TBC1D12: variants seen among roughly 807,000 people sequenced by gnomAD.
TBC1D12 encodes TBC1 domain family member 12.
In TBC1D12, 56 loss-of-function variants were observed where a neutral mutation model predicts 86.7. The ratio of observed to expected loss-of-function variants is 0.65; its 90% CI spans 0.52 to 0.81. The LOEUF is 0.81. Among genes scored for constraint, TBC1D12 ranks in the 30% least tolerant of loss-of-function variants. TBC1D12 has a pLI of 0.00. For missense variants in TBC1D12, 1,023 were observed against 1,038.8 expected, an observed-to-expected ratio of 0.98 and a Z score of 0.21; for synonymous variants, 421 against 411.7, an observed-to-expected ratio of 1.02 and a Z score of -0.27.
chr10:94,524,593 G>C (rs1564992462), intron 11 of TBC1D12, among the ~76,000 whole-genome samples: 1 of 151,836 alleles, frequency 6.6e-6, no homozygotes, highest in African/African-American at 2.4e-5. Flanking sequence ...AGAAAAATTA[G>C]CCAGGCATGG....
intron 2 of TBC1D12, among the ~76,000 whole-genome samples, chr10:94,447,331 C>T (rs866720554): frequency 8.6e-5 from 13 of 151,274 alleles, no homozygotes; most frequent in African/African-American, 1.2e-4. Context: ...TATATATATA[C>T]ACACACACAC....
intron 1 of TBC1D12, among the ~76,000 whole-genome samples, chr10:94,430,851 C>G (rs1484520168): frequency 1.3e-5 from 2 of 152,244 alleles, no homozygotes; most frequent in East Asian, 3.9e-4. Context: ...ATGAAGAAAC[C>G]ATTAGACTGC....
intron 2 of TBC1D12, 61 bp downstream of exon 2, chr10:94,442,080 T>C: frequency 7.3e-7 from 1 of 1,370,436 alleles, no homozygotes; most frequent in African/African-American, 1.9e-5. Context: ...CTTCTTCTTC[T>C]TCTTTTTTTT....
At chr10:94,469,235 AG>A (rs894486366) in intron 2 of TBC1D12, among the ~76,000 whole-genome samples, 5 of 152,164 alleles carry the variant, frequency 3.3e-5, no homozygotes, top group Admixed American at 6.5e-5. Flanking sequence ...GTGTATTCCC[AG>A]TGATGACTTT....
chr10:94,511,789 A>G, intron 9 of TBC1D12, 135 bp downstream of exon 9: 1 of 671,354 alleles, frequency 1.5e-6, no homozygotes, highest in Non-Finnish European at 2.5e-6. Flanking sequence ...CAATTTACCC[A>G]GTGAAGAATC....
intron 9 of TBC1D12, among the ~76,000 whole-genome samples, chr10:94,515,081 G>C (rs941742026): frequency 2.0e-5 from 3 of 149,942 alleles, no homozygotes; most frequent in Non-Finnish European, 3.0e-5. Context: ...CTAATTTTTT[G>C]TATTTTTAGT....
rs2054781730 is a variant in TBC1D12 at position 94,402,635 on chromosome 10, G to A, written c.22G>A (p.Gly8Arg). 1 of 1,611,706 alleles carries A rather than the reference G, an allele frequency of 6.2e-7. No homozygotes were observed. The highest frequency in any genetic ancestry group is 1.7e-5 in the Admixed American group (1 of 59,960). MVGPEDA[G>R]ACSGRNPKLL... ...CCAGATGGTGGGTCCGGAGGATGCC[G>A]GAGCCTGCTCGGGAAGAAACCCCAA... Residue 8 changes from glycine to arginine, a missense_variant, in exon 1 of 13, where the codon GGA becomes AGA. Transcript: ENST00000225235.
At chr10:94,490,357 A>G (rs2056229851) in intron 3 of TBC1D12, among the ~76,000 whole-genome samples, 1 of 152,220 alleles carries the variant, frequency 6.6e-6, no homozygotes, top group Non-Finnish European at 1.5e-5. Context: ...GACTTGCTTG[A>G]CATTAGGGTT....
At chr10:94,408,759 C>A (rs1259894635) in intron 1 of TBC1D12, among the ~76,000 whole-genome samples, 1 of 151,678 alleles carries the variant, frequency 6.6e-6, no homozygotes, top group Non-Finnish European at 1.5e-5. Flanking sequence ...GTGAGTTTCT[C>A]AAAAAAAATT....
intron 1 of TBC1D12, among the ~76,000 whole-genome samples, chr10:94,421,506 G>C (rs1380209692): frequency 6.6e-6 from 1 of 152,066 alleles, no homozygotes; most frequent in Non-Finnish European, 1.5e-5. Flanking sequence ...GTTCCTTTTG[G>C]CATATTCCCT....
chr10:94,413,428 A>AT lies in TBC1D12; in HGVS notation c.971+9849dup, dbSNP rs1439781015. On this transcript the variant is annotated intron_variant, in intron 1 of 12. Coordinates refer to ENST00000225235, the MANE Select transcript of TBC1D12 (RefSeq NM_015188.2). ...TCTTATAGCCTATGAAAAAAGTGTT[A>AT]TTTTTCCTTCCTTCTGCTGCTATTT... 1.6e-4 allele frequency among the ~76,000 whole-genome samples: 24 copies of AT among 152,130 alleles called. No homozygotes were observed. The East Asian group carries it at 4.2e-3, about 27-fold the overall frequency.
At chr10:94,431,242 G>A (rs535604804) in intron 1 of TBC1D12, among the ~76,000 whole-genome samples, 12 of 151,688 alleles carry the variant, frequency 7.9e-5, no homozygotes, top group South Asian at 4.2e-4. Context: ...TGGAGAAACC[G>A]TGTCTCTACT....
At chr10:94,414,930 G>A (rs2054979268) in intron 1 of TBC1D12, among the ~76,000 whole-genome samples, 1 of 152,098 alleles carries the variant, frequency 6.6e-6, no homozygotes, top group Non-Finnish European at 1.5e-5. Flanking sequence ...TTTAATTTAG[G>A]CTCTAAAAGT....
chr10:94,489,788 G>T (rs1440485241), intron 3 of TBC1D12, among the ~76,000 whole-genome samples: 1 of 152,146 alleles, frequency 6.6e-6, no homozygotes, highest in African/African-American at 2.4e-5. Flanking sequence ...GATGGGAATG[G>T]TCAGTCTGTG....
At chr10:94,513,354 C>T (rs554039122) in intron 9 of TBC1D12, among the ~76,000 whole-genome samples, 19 of 151,968 alleles carry the variant, frequency 1.3e-4, no homozygotes, top group Non-Finnish European at 2.4e-4. Context: ...CCAGGACTCC[C>T]AGACAGCAGT....
chr10:94,411,012 T>C (rs1478391710), intron 1 of TBC1D12, among the ~76,000 whole-genome samples: 5 of 152,100 alleles, frequency 3.3e-5, no homozygotes, highest in South Asian at 4.2e-4. Flanking sequence ...AAGAGAAAGC[T>C]GAAAAAAAAC....
chr10:94,425,263 G>GT (rs1001514033), intron 1 of TBC1D12, among the ~76,000 whole-genome samples: 6 of 152,160 alleles, frequency 3.9e-5, no homozygotes, highest in African/African-American at 1.4e-4. Context: ...AAATGAGGGA[G>GT]TTTTTTTGGC....
chr10:94,494,096 G>A (rs1235933909), intron 4 of TBC1D12, among the ~76,000 whole-genome samples: 1 of 151,876 alleles, frequency 6.6e-6, no homozygotes, highest in African/African-American at 2.4e-5. Flanking sequence ...CTCTCTAGAG[G>A]CCCAATTGTG....
chr10:94,497,191 C>G lies in TBC1D12; in HGVS notation c.1412+19C>G. The G allele has an allele frequency of 7.3e-7, 1 of 1,377,412 alleles. No individual in the cohort carries two copies. Among genetic ancestry groups the G allele is most frequent in the Non-Finnish European group, 9.8e-7 (1 of 1,021,004 alleles). 85.3% of individuals were successfully genotyped at this position (1,377,412 alleles called of 1,614,324 possible). The stretch of plus-strand genomic sequence containing the variant: ...AAGTAATGTAAGTAAGCAGACTTTT[C>G]CTAAATTCCCATTTGTCTCCGAAGA... On this transcript the variant is annotated intron_variant, in intron 5 of 12. Coordinates refer to ENST00000225235, the MANE Select transcript of TBC1D12 (RefSeq NM_015188.2).
Sources: allele counts gnomAD v4.1 joint callset (sites outside exome capture counted in the v4.1 genomes callset), GRCh38; gene constraint gnomAD v4.1.1; transcripts MANE v1.5; gene names NCBI Gene and HGNC (gene_info 2026-07-23, HGNC 2026-07-21).